Variants in DYNC2H1 observed in about 807,000 individuals in gnomAD.
DYNC2H1 encodes the protein dynein cytoplasmic 2 heavy chain 1, also known as cytoplasmic dynein 2 heavy chain 1.
In DYNC2H1, 410 loss-of-function variants were observed where a neutral mutation model predicts 570.0. The ratio of observed to expected loss-of-function variants is 0.72; its 90% CI spans 0.66 to 0.78. The LOEUF (loss-of-function observed/expected upper bound fraction) is 0.78. Ranked by LOEUF, DYNC2H1 falls within the 30% of genes least tolerant of loss-of-function variation. The pLI, the probability that DYNC2H1 is intolerant of heterozygous loss-of-function variation, is 0.00. For synonymous variants in DYNC2H1, 1,688 were observed against 1,677.6 expected, an observed-to-expected ratio of 1.01 and a Z score of -0.15; for missense variants, 4,865 against 5,046.4, an observed-to-expected ratio of 0.96 and a Z score of 1.09.
rs986769722 is a variant in DYNC2H1 at position 103,326,011 on chromosome 11, TGGGGCGCTTTCAGA to T, written c.12039+2025_12039+2038del. ...TGGGTGCACTCAGTTGGGTTTGGTT[TGGGGCGCTTTCAGA>T]GGGCCAAGGCTCTGTACAGTGTCTT... On this transcript the variant is annotated intron_variant, in intron 82 of 88. Transcript: ENST00000375735. This position sits in a 1 kb window ranked among gnomAD's most constrained non-coding sequence, Gnocchi z 6.1. Among the ~76,000 whole-genome samples the T allele has an allele frequency of 1.3e-5, 2 of 152,114 alleles. No homozygotes were observed. The highest frequency in any genetic ancestry group is 4.8e-5 in the African/African-American group (2 of 41,404).
At chr11:103,246,648 C>T (rs904988963) in intron 65 of DYNC2H1, among the ~76,000 whole-genome samples, 7 of 152,030 alleles carry the variant, frequency 4.6e-5, no homozygotes, top group African/African-American at 1.4e-4. Flanking sequence ...TGGATGTATT[C>T]GTGTCACACT....
At chr11:103,341,891 C>A (rs536703022) in intron 82 of DYNC2H1, among the ~76,000 whole-genome samples, 1 of 152,264 alleles carries the variant, frequency 6.6e-6, no homozygotes, top group East Asian at 1.9e-4. Context: ...TATTTCAGTT[C>A]TCTCCATTGT....
At chr11:103,208,584 C>G (rs1486590282) in intron 52 of DYNC2H1, among the ~76,000 whole-genome samples, 1 of 152,100 alleles carries the variant, frequency 6.6e-6, no homozygotes, top group Non-Finnish European at 1.5e-5. Flanking sequence ...CATTAAAAGC[C>G]AGATTGGGGA....
chr11:103,296,947 C>T (rs527298273), intron 75 of DYNC2H1, among the ~76,000 whole-genome samples: 5 of 151,984 alleles, frequency 3.3e-5, no homozygotes, highest in African/African-American at 1.2e-4. Context: ...TTTTTACTTT[C>T]CTTTACTGGC....
intron 84 of DYNC2H1, among the ~76,000 whole-genome samples, chr11:103,416,369 T>G (rs11501379): frequency 0.03 from 4,604 of 152,276 alleles, 227 homozygotes; most frequent in African/African-American, 0.11. Flanking sequence ...AGAGCCTGTA[T>G]AGCCAAGACA....
At chr11:103,390,256 CTTCT>C (rs1294924041) in intron 83 of DYNC2H1, among the ~76,000 whole-genome samples, 6 of 151,804 alleles carry the variant, frequency 4.0e-5, no homozygotes, top group African/African-American at 1.5e-4. Context: ...ATGTAATGGC[CTTCT>C]TTGTCTCTTT....
At chr11:103,418,497 T>C (rs1034169631) in intron 84 of DYNC2H1, among the ~76,000 whole-genome samples, 2 of 152,150 alleles carry the variant, frequency 1.3e-5, no homozygotes, top group African/African-American at 2.4e-5. Context: ...GAAAGATGCA[T>C]TGAAAGATGT....
chr11:103,444,558 T>G (rs1288568972), intron 85 of DYNC2H1, among the ~76,000 whole-genome samples: 1 of 152,104 alleles, frequency 6.6e-6, no homozygotes, highest in African/African-American at 2.4e-5. Flanking sequence ...GGCCAAATAT[T>G]GAAAATGAAT....
At chr11:103,196,661 G>T (rs1486387900) in intron 47 of DYNC2H1, among the ~76,000 whole-genome samples, 1 of 152,106 alleles carries the variant, frequency 6.6e-6, no homozygotes, top group Non-Finnish European at 1.5e-5. Flanking sequence ...GGACCCCAGG[G>T]AGTATCAGTA....
At position 103,209,360 on chromosome 11, in the gene DYNC2H1, G is replaced by C. The variant is rs1223967379; in HGVS notation, c.8455-516G>C. Among the ~76,000 whole-genome samples, 1 of 151,684 alleles carries C rather than the reference G, an allele frequency of 6.6e-6. No homozygotes were observed. The highest frequency in any genetic ancestry group is 1.5e-5 in the Non-Finnish European group (1 of 67,870). ...AATAATGATATCTGCTTATGAAACT[G>C]TATTTGCTTATTTACAGTAGTGGCA... On this transcript the variant is annotated intron_variant, in intron 52 of 88. Transcript: ENST00000375735. This position sits in a 1 kb window ranked among gnomAD's most constrained non-coding sequence, Gnocchi z 4.2.
intron 82 of DYNC2H1, among the ~76,000 whole-genome samples, chr11:103,329,204 T>C (rs184814727): frequency 6.6e-6 from 1 of 151,816 alleles, no homozygotes; most frequent in African/African-American, 2.4e-5. Context: ...AACACATACT[T>C]GAAGATGGGA....
rs1268952626 is a variant in DYNC2H1 at position 103,299,975 on chromosome 11, CCTCTTTTTATT to C, written c.11096-3117_11096-3107del. Among the ~76,000 whole-genome samples the C allele has an allele frequency of 6.6e-6, 1 of 151,918 alleles. No individual in the cohort carries two copies. Among genetic ancestry groups the C allele is most frequent in the Non-Finnish European group, 1.5e-5 (1 of 67,972 alleles). ...GGGTTAGGTAGTGGCTGTTGATTTT[CCTCTTTTTATT>C]GATGTTTGTGGTACATTTTTACAAT... On this transcript the variant is annotated intron_variant, in intron 75 of 88. Transcript: ENST00000375735. The surrounding 1 kb of genome is among the most constrained non-coding windows in gnomAD (Gnocchi z 4.5).
intron 6 of DYNC2H1, among the ~76,000 whole-genome samples, chr11:103,118,605 C>A (rs1044912578): frequency 6.6e-6 from 1 of 151,960 alleles, no homozygotes; most frequent in Non-Finnish European, 1.5e-5. Context: ...TCACAGCCAA[C>A]AAAATGACGA....
chr11:103,190,345 T>C (rs1183446035), intron 45 of DYNC2H1, among the ~76,000 whole-genome samples: 3 of 152,202 alleles, frequency 2.0e-5, no homozygotes, highest in Non-Finnish European at 4.4e-5. Context: ...TAGTTTATTT[T>C]CACTGAATGT....
chr11:103,427,243 T>A (rs1169298214), intron 84 of DYNC2H1, among the ~76,000 whole-genome samples: 1 of 152,178 alleles, frequency 6.6e-6, no homozygotes, highest in Non-Finnish European at 1.5e-5. Flanking sequence ...ATCCACAATT[T>A]TTTAAACTCT....
chr11:103,296,042 C>T (rs1000788720), intron 75 of DYNC2H1, among the ~76,000 whole-genome samples: 2 of 152,180 alleles, frequency 1.3e-5, no homozygotes, highest in Non-Finnish European at 2.9e-5. Context: ...CTCCCCTACG[C>T]ACACAGATTC....
At chr11:103,152,653 A>G (rs1860622341) in intron 21 of DYNC2H1, among the ~76,000 whole-genome samples, 1 of 152,132 alleles carries the variant, frequency 6.6e-6, no homozygotes, top group African/African-American at 2.4e-5. Flanking sequence ...ATTGTAGCTT[A>G]TGTTTCTGTC....
Position 103,173,068 on chromosome 11 carries a change from A to T in DYNC2H1, c.5335-14A>T. On this transcript the variant is annotated splice_polypyrimidine_tract_variant and intron_variant, in intron 34 of 88. Transcript: ENST00000375735. ...ATTTAATATTTAAATTAATATTTTT[A>T]ATTAATATTTCAGGTAGAAGTAAAT... 1 of 1,178,186 alleles carries T rather than the reference A, an allele frequency of 8.5e-7. No individual in the cohort carries two copies. Among genetic ancestry groups the T allele is most frequent in the Non-Finnish European group, 1.1e-6 (1 of 910,880 alleles). 73.0% of individuals were successfully genotyped at this position (1,178,186 alleles called of 1,614,324 possible).
chr11:103,123,672 T>A (rs968587010), intron 11 of DYNC2H1, among the ~76,000 whole-genome samples: 26 of 152,196 alleles, frequency 1.7e-4, no homozygotes, highest in Admixed American at 6.5e-5. Context: ...CAACTAATTT[T>A]GGAAAATTTG....
Sources: allele counts gnomAD v4.1 joint callset (sites outside exome capture counted in the v4.1 genomes callset), GRCh38; gene constraint gnomAD v4.1.1; non-coding constraint Gnocchi (gnomAD v3.1); transcripts MANE v1.5; gene names NCBI Gene and HGNC (gene_info 2026-07-23, HGNC 2026-07-21).